Variants in SMN2 observed in about 807,000 individuals in gnomAD.
SMN2 encodes survival of motor neuron 2, centromeric.
Under a neutral mutation model 2.8 loss-of-function variants are expected in SMN2, and 1 was observed. That is an observed-to-expected ratio of 0.35 (90% CI 0.13 to 1.68). SMN2 has a LOEUF of 1.68. Ranked by LOEUF, SMN2 falls within the 40% of genes most tolerant of loss-of-function variation. The pLI, the probability that SMN2 is intolerant of heterozygous loss-of-function variation, is 0.35. For synonymous variants in SMN2, 5 were observed against 5.0 expected, an observed-to-expected ratio of 0.99 and a Z score of 0.01; for missense variants, 12 against 16.9, an observed-to-expected ratio of 0.71 and a Z score of 0.51.
At chr5:70,076,859 G>A in intron 8 of SMN2, 160 bp from the exon 9 acceptor site, 1 of 1,099,762 alleles carries the variant, frequency 9.1e-7, no homozygotes, top group South Asian at 1.7e-5. Context: ...CTAGTAGGCA[G>A]ACCAGCAGAC....
the SMN2 span, among the ~76,000 whole-genome samples, chr5:70,088,459 A>T: frequency 4.6e-5 from 2 of 43,820 alleles, no homozygotes; most frequent in South Asian, 1.0e-3. Context: ...TTTTTTTGAG[A>T]CGGAGTCTTG....
downstream of SMN2, among the ~76,000 whole-genome samples, chr5:70,080,314 CAG>C (rs1774838291): frequency 7.4e-6 from 1 of 134,472 alleles, no homozygotes; most frequent in Non-Finnish European, 1.6e-5. Flanking sequence ...CTGGGTGACT[CAG>C]TGACTGTCTC....
chr5:70,079,426 C>T (rs1417035755), downstream of SMN2, among the ~76,000 whole-genome samples: 129 of 117,448 alleles, frequency 1.1e-3, no homozygotes, highest in African/African-American at 4.4e-3. Flanking sequence ...AGCGAGACTC[C>T]GTCTCAAAAA....
At chr5:70,052,169 C>T (rs1207477524) in intron 1 of SMN2, among the ~76,000 whole-genome samples, 10 of 128,028 alleles carry the variant, frequency 7.8e-5, no homozygotes, top group African/African-American at 2.2e-4. Flanking sequence ...CCAGCCTGGA[C>T]GATATAGTGA....
the SMN2 span, among the ~76,000 whole-genome samples, chr5:70,085,451 T>C: frequency 7.9e-6 from 1 of 126,146 alleles, no homozygotes; most frequent in African/African-American, 3.6e-5. Flanking sequence ...CCATGTTGGG[T>C]AGGCCAGTCT....
At chr5:70,081,195 G>A (rs1390972812), downstream of SMN2, among the ~76,000 whole-genome samples, 1 of 117,744 alleles carries the variant, frequency 8.5e-6, no homozygotes, top group African/African-American at 4.0e-5. Context: ...TATTTCTGAG[G>A]GCTCTGTTCT....
intron 7 of SMN2, chr5:70,071,174 GC>G (rs1774582663): frequency 6.8e-6 from 2 of 295,738 alleles, no homozygotes; most frequent in African/African-American, 4.6e-5. Flanking sequence ...CTCACAGCAA[GC>G]TCTGCCTCCT....
In SMN2 at chr5:70,074,916, G is replaced by A. The variant is rs1176653450; in HGVS notation, c.835-1605G>A. 1.3e-4 allele frequency among the ~76,000 whole-genome samples: 15 copies of A among 116,834 alleles called. 4 individuals are homozygous for A. The highest frequency in any genetic ancestry group is 5.2e-4 in the African/African-American group (15 of 28,730). The allele number at this position is 116,834 out of a possible 152,430, so 76.6% of individuals were successfully genotyped here. On this transcript the variant is annotated intron_variant, in intron 7 of 8. Transcript: ENST00000380743. ...CTGAGGCAGGAGAATTGCTTGAACC[G>A]AGAAGGCGGAGGTTGCGGTGAGCCA...
chr5:70,080,188 C>T (rs561023792), downstream of SMN2, among the ~76,000 whole-genome samples: 1,716 of 127,840 alleles, frequency 0.013, 22 homozygotes, highest in South Asian at 0.043. Context: ...AAAATTAGCT[C>T]GGCATGGTGG....
the SMN2 span, among the ~76,000 whole-genome samples, chr5:70,083,590 G>A: frequency 1.0e-3 from 137 of 136,554 alleles, 19 homozygotes; most frequent in East Asian, 0.025. Context: ...AAGAAAATAT[G>A]GCACATATAC....
At chr5:70,070,834 GC>G (rs770916773) in intron 7 of SMN2, 83 bp downstream of exon 7, 54 of 27,754 alleles carry the variant, frequency 1.9e-3, no homozygotes, top group Non-Finnish European at 2.3e-3. Context: ...AATACTACTT[GC>G]TTCTCTCTTT....
At chr5:70,070,207 GA>G in intron 6 of SMN2, among the ~76,000 whole-genome samples, 2 of 124,742 alleles carry the variant, frequency 1.6e-5, no homozygotes, top group Non-Finnish European at 3.2e-5. Context: ...ATTTATGCTT[GA>G]TTTTTTTTTT....
chr5:70,080,256 A>C (rs1330790157), downstream of SMN2, among the ~76,000 whole-genome samples: 1 of 136,048 alleles, frequency 7.4e-6, no homozygotes, highest in South Asian at 2.3e-4. Flanking sequence ...ACTTGAACCC[A>C]GGAGGCGGAG....
the SMN2 span, among the ~76,000 whole-genome samples, chr5:70,085,298 A>G: frequency 3.9e-5 from 5 of 128,908 alleles, no homozygotes; most frequent in Non-Finnish European, 7.9e-5. Context: ...CTGGAGTGCA[A>G]TGGCATAATC....
chr5:70,079,469 C>T (rs1172577985), downstream of SMN2, among the ~76,000 whole-genome samples: 3 of 148,146 alleles, frequency 2.0e-5, no homozygotes, highest in Non-Finnish European at 4.5e-5. Flanking sequence ...CTAAGAGCAA[C>T]TCTGGGCCAG....
At chr5:70,079,509 A>G (rs1170364834), downstream of SMN2, among the ~76,000 whole-genome samples, 7 of 146,934 alleles carry the variant, frequency 4.8e-5, no homozygotes, top group Admixed American at 4.7e-4. Context: ...TAATCCCAGC[A>G]TTTTGGGAGG....
downstream of SMN2, among the ~76,000 whole-genome samples, chr5:70,083,355 T>G (rs1033615150): frequency 7.4e-6 from 1 of 134,714 alleles, no homozygotes; most frequent in African/African-American, 3.2e-5. Context: ...GGGTGGAGAG[T>G]TCTGTAAACT....
At chr5:70,052,909 G>T (rs1269883755) in intron 1 of SMN2, among the ~76,000 whole-genome samples, 1 of 129,984 alleles carries the variant, frequency 7.7e-6, no homozygotes, top group Non-Finnish European at 1.7e-5. Context: ...AAAGTGGGAG[G>T]ATCAATGTAC....
At chr5:70,079,558 C>A (rs1213995204), downstream of SMN2, among the ~76,000 whole-genome samples, 1 of 141,972 alleles carries the variant, frequency 7.0e-6, no homozygotes, top group African/African-American at 2.8e-5. Flanking sequence ...GAGTTCAAGA[C>A]CAGCATAAGC....
Sources: gnomAD v4.1 joint callset for allele counts (sites outside exome capture counted in the v4.1 genomes callset) on GRCh38, gnomAD v4.1.1 for gene constraint, MANE v1.5 for transcripts, NCBI Gene and HGNC (gene_info 2026-07-23, HGNC 2026-07-21) for gene names.